Variants in RFX4 observed in about 807,000 individuals in gnomAD.
The protein encoded by RFX4 is transcription factor RFX4.
Under a neutral mutation model 95.0 loss-of-function variants are expected in RFX4, and 10 were observed. The observed-to-expected ratio is 0.11, with a 90% confidence interval of 0.06 to 0.18. The LOEUF (loss-of-function observed/expected upper bound fraction) is 0.18, where lower values mean the gene tolerates loss of function less well. Ranked by LOEUF, RFX4 falls within the 10% of genes least tolerant of loss-of-function variation. The probability of loss-of-function intolerance (pLI) is 1.00; values close to 1 mark genes in which losing one functional copy is unlikely to be tolerated. For missense variants in RFX4, 640 were observed against 922.0 expected (o/e 0.69, Z 3.96); for synonymous variants, 321 against 340.7 (o/e 0.94, Z 0.64).
chr12:106,747,542 T>C lies in RFX4; in HGVS notation c.1739T>C (p.Val580Ala), dbSNP rs1459140903. ...QQLPCMRNTH[V>A]PSSSVTHRIP... Reference sequence around the variant, plus strand: ...CTGCCCTGTATGAGGAACACTCATGTGCCTTCTTCCTCCGTCACACACAGG... The same window carrying C: ...CTGCCCTGTATGAGGAACACTCATGCGCCTTCTTCCTCCGTCACACACAGG... Residue 580 changes from valine to alanine, a missense_variant, in exon 16 of 18, where the codon GTG (valine) becomes GCG (alanine). Val to Ala is a moderately conservative substitution (Grantham distance 64). Coordinates refer to ENST00000392842, the MANE Select transcript of RFX4 (RefSeq NM_213594.3). The C allele has an allele frequency of 6.2e-7, 1 of 1,614,042 alleles. No individual in the cohort carries two copies. Among genetic ancestry groups the C allele is most frequent in the African/African-American group, 1.3e-5 (1 of 74,922 alleles).
chr12:106,650,073 C>G (rs966561629), intron 3 of RFX4, among the ~76,000 whole-genome samples: 1 of 152,154 alleles, frequency 6.6e-6, no homozygotes, highest in Admixed American at 6.5e-5. Flanking sequence ...CCTCCTGGGC[C>G]ACCTCCCCTA....
At position 106,586,701 on chromosome 12, in the gene RFX4, G is replaced by A. The variant is rs2039462942; in HGVS notation, c.43+3338G>A. The stretch of plus-strand genomic sequence containing the variant: ...GGTGGGAGGGCACGCTAGTTTACAG[G>A]CCCCCAGCTCAGCACAAATTCTTTC... On this transcript the variant is annotated intron_variant, in intron 1 of 17. Transcript: ENST00000392842. This position sits in a 1 kb window ranked among gnomAD's most constrained non-coding sequence, Gnocchi z 5.6. Among the ~76,000 whole-genome samples the A allele has an allele frequency of 6.6e-6, 1 of 152,154 alleles. No homozygotes were observed. The highest frequency in any genetic ancestry group is 2.4e-5 in the African/African-American group (1 of 41,448).
At chr12:106,733,376 A>T (rs1267935924) in intron 15 of RFX4, 1 of 278,348 alleles carries the variant, frequency 3.6e-6, no homozygotes, top group Non-Finnish European at 6.8e-6. Context: ...TCTCCAAAAG[A>T]TAATGCCAAA....
At chr12:106,659,136 T>C (rs956772261) in intron 4 of RFX4, among the ~76,000 whole-genome samples, 3 of 152,208 alleles carry the variant, frequency 2.0e-5, no homozygotes, top group Non-Finnish European at 4.4e-5. Flanking sequence ...TAATTTATAC[T>C]CTTTTTTAGA....
chr12:106,682,194 A>G, intron 5 of RFX4, 140 bp downstream of exon 5: 1 of 819,682 alleles, frequency 1.2e-6, no homozygotes, highest in Non-Finnish European at 1.9e-6. Context: ...GAAGAGCTTT[A>G]TGACGGCCAG....
At chr12:106,613,233 A>G (rs1317881906) in intron 2 of RFX4, among the ~76,000 whole-genome samples, 1 of 124,830 alleles carries the variant, frequency 8.0e-6, no homozygotes, top group East Asian at 2.3e-4. Flanking sequence ...AATCAATATA[A>G]TGTATTTATT....
At chr12:106,593,652 A>G (rs1565942914) in intron 1 of RFX4, among the ~76,000 whole-genome samples, 1 of 152,180 alleles carries the variant, frequency 6.6e-6, no homozygotes, top group Non-Finnish European at 1.5e-5. Flanking sequence ...TACACTTTTG[A>G]AGAAGGAAGT....
At chr12:106,618,603 C>T (rs575646217) in intron 2 of RFX4, among the ~76,000 whole-genome samples, 11 of 151,830 alleles carry the variant, frequency 7.2e-5, no homozygotes, top group African/African-American at 2.7e-4. Context: ...TATGGTATAT[C>T]TTTTTCATCT....
rs184348499 is a variant in RFX4, at chr12:106,690,742, G to A, written c.669+1378G>A. Among the ~76,000 whole-genome samples the A allele has an allele frequency of 2.1e-3, 325 of 152,284 alleles. 3 individuals carry two copies. The highest frequency in any genetic ancestry group is 2.2e-3 in the Non-Finnish European group (153 of 68,028). ...AATAGCACTTCTGCCCATATTCCAT[G>A]GACGGGAGCTGGTCCCACGGCCCCA... On this transcript the variant is annotated intron_variant, in intron 7 of 17. Coordinates refer to ENST00000392842, the MANE Select transcript of RFX4 (RefSeq NM_213594.3).
At chr12:106,752,834 G>A (rs1359181744) in intron 17 of RFX4, among the ~76,000 whole-genome samples, 1 of 152,016 alleles carries the variant, frequency 6.6e-6, no homozygotes, top group East Asian at 1.9e-4. Context: ...GCTGCATTTG[G>A]GAAACCACCG....
At chr12:106,738,336 T>G (rs537085541) in intron 15 of RFX4, among the ~76,000 whole-genome samples, 1 of 152,268 alleles carries the variant, frequency 6.6e-6, no homozygotes, top group East Asian at 1.9e-4. Context: ...GGAGACAGAC[T>G]CAAAGGGAAT....
At chr12:106,593,631 G>A (rs538902030) in intron 1 of RFX4, among the ~76,000 whole-genome samples, 8 of 152,224 alleles carry the variant, frequency 5.3e-5, no homozygotes, top group African/African-American at 1.9e-4. Flanking sequence ...TCAAATCATC[G>A]CAAGTTACAT....
chr12:106,669,334 A>G (rs1166819596), intron 4 of RFX4, among the ~76,000 whole-genome samples: 1 of 152,204 alleles, frequency 6.6e-6, no homozygotes, highest in Admixed American at 6.5e-5. Context: ...ATGTGCTTGT[A>G]TGAATTAAAT....
Position 106,689,527 on chromosome 12 carries a change from C to T in RFX4, c.669+163C>T, listed in dbSNP as rs111364405. 3.6e-3 allele frequency among the ~76,000 whole-genome samples: 546 copies of T among 152,228 alleles called. 3 individuals are homozygous for T. Among genetic ancestry groups the T allele is most frequent in the African/African-American group, 0.012 (512 of 41,528 alleles). On this transcript the variant is annotated intron_variant, in intron 7 of 17. Coordinates refer to ENST00000392842, the MANE Select transcript of RFX4 (RefSeq NM_213594.3). ...CTCATGAGATCCCATGAAGCAGGTACGATTATTATCCCCATTTTATAGACC... is the reference window on the plus strand; with the variant it reads ...CTCATGAGATCCCATGAAGCAGGTATGATTATTATCCCCATTTTATAGACC...
intron 9 of RFX4, among the ~76,000 whole-genome samples, chr12:106,710,695 A>C (rs192867912): frequency 4.6e-5 from 7 of 152,312 alleles, no homozygotes; most frequent in African/African-American, 1.2e-4. Context: ...TGTCTGGAGG[A>C]AGCTGTTCTT....
intron 16 of RFX4, among the ~76,000 whole-genome samples, chr12:106,748,744 T>C (rs1424308471): frequency 1.3e-5 from 2 of 151,636 alleles, no homozygotes; most frequent in Non-Finnish European, 2.9e-5. Context: ...TGGTCAGGAG[T>C]TCGAGACCAG....
intron 2 of RFX4, among the ~76,000 whole-genome samples, chr12:106,618,202 A>T (rs1340144611): frequency 6.6e-6 from 1 of 151,848 alleles, no homozygotes; most frequent in Non-Finnish European, 1.5e-5. Context: ...ACATATGTAT[A>T]TAGATTATAT....
chr12:106,691,910 G>A (rs1283658740), intron 7 of RFX4, among the ~76,000 whole-genome samples: 3 of 152,180 alleles, frequency 2.0e-5, no homozygotes, highest in African/African-American at 7.2e-5. Context: ...TGTAATCCCA[G>A]CACTTTGGGA....
At chr12:106,758,185 G>A (rs143703591) in intron 17 of RFX4, among the ~76,000 whole-genome samples, 47 of 152,280 alleles carry the variant, frequency 3.1e-4, no homozygotes, top group African/African-American at 1.1e-3. Context: ...GAGGTGAGGC[G>A]GGTGCCACGG....
Sources: allele counts gnomAD v4.1 joint callset (sites outside exome capture counted in the v4.1 genomes callset), GRCh38; gene constraint gnomAD v4.1.1; non-coding constraint Gnocchi (gnomAD v3.1); transcripts MANE v1.5; gene names NCBI Gene and HGNC (gene_info 2026-07-23, HGNC 2026-07-21).